The following WDR31 variants were observed in gnomAD, a reference collection of about 807,000 sequenced individuals.
WDR31 encodes WD repeat domain 31.
In WDR31, 30 loss-of-function variants were observed where a neutral mutation model predicts 47.3. That is an observed-to-expected ratio of 0.63 (90% CI 0.47 to 0.86). WDR31 has a LOEUF of 0.86. Ranked by LOEUF, WDR31 falls within the 40% of genes least tolerant of loss-of-function variation. WDR31 has a pLI of 0.00. For missense variants in WDR31, 406 were observed against 442.9 expected (o/e 0.92, Z 0.75); for synonymous variants, 137 against 159.4 (o/e 0.86, Z 1.06).
chr9:113,316,748 C>A lies in WDR31; in HGVS notation c.*1G>T. Reference sequence around the variant, plus strand: ...TATTGTCCAGTGAGTGTCTCTTGGCCTCAGAATGCTGCCACTTCCTGCAGT... The same window carrying A: ...TATTGTCCAGTGAGTGTCTCTTGGCATCAGAATGCTGCCACTTCCTGCAGT... On this transcript the variant is annotated 3_prime_UTR_variant, in exon 11 of 11. Coordinates refer to ENST00000374193, the MANE Select transcript of WDR31 (RefSeq NM_001012361.4). 1.2e-6 allele frequency: 2 copies of A among 1,613,178 alleles called. No homozygotes were observed. The highest frequency in any genetic ancestry group is 2.2e-5 in the South Asian group (2 of 90,910).
chr9:113,324,048 G>A (rs1391339719), intron 5 of WDR31, among the ~76,000 whole-genome samples: 1 of 151,766 alleles, frequency 6.6e-6, no homozygotes, highest in East Asian at 1.9e-4. Flanking sequence ...TGGAATTGTG[G>A]TAAATATACA....
chr9:113,317,807 C>T (rs532551006), intron 10 of WDR31, among the ~76,000 whole-genome samples: 12 of 152,216 alleles, frequency 7.9e-5, no homozygotes, highest in Non-Finnish European at 1.5e-4. Context: ...GGTAAACCAG[C>T]TTTCTGGAAG....
intron 2 of WDR31, among the ~76,000 whole-genome samples, chr9:113,335,489 C>T (rs990224528): frequency 2.0e-5 from 3 of 152,150 alleles, no homozygotes; most frequent in African/African-American, 4.8e-5. Context: ...ATGGGCATGA[C>T]CAACCTAATT....
At chr9:113,318,779 G>A (rs1833266194) in intron 9 of WDR31, 142 bp from the exon 10 acceptor site, 4 of 817,622 alleles carry the variant, frequency 4.9e-6, no homozygotes, top group Non-Finnish European at 7.7e-6. Context: ...TCCATCCACA[G>A]ACCCAACAAC....
chr9:113,320,513 G>A lies in WDR31; in HGVS notation c.639-15C>T. 2 of 1,611,048 alleles carry A rather than the reference G, an allele frequency of 1.2e-6. No individual in the cohort carries two copies. Among genetic ancestry groups the A allele is most frequent in the Non-Finnish European group, 1.7e-6 (2 of 1,178,354 alleles). On this transcript the variant is annotated splice_polypyrimidine_tract_variant and intron_variant, in intron 8 of 10. Coordinates refer to ENST00000374193, the MANE Select transcript of WDR31 (RefSeq NM_001012361.4). ...TGTCCCATAATCTGAAAGAGATTAG[G>A]GCAGGAAATTAGCTTGTAGTAAATG...
intron 4 of WDR31, 114 bp downstream of exon 4, chr9:113,330,870 A>C: frequency 1.6e-6 from 2 of 1,220,300 alleles, no homozygotes; most frequent in Non-Finnish European, 2.2e-6. Flanking sequence ...TCTAAAGCCA[A>C]TATTTTTACA....
intron 5 of WDR31, among the ~76,000 whole-genome samples, chr9:113,324,402 T>C (rs1414876461): frequency 6.6e-6 from 1 of 151,348 alleles, no homozygotes; most frequent in African/African-American, 2.4e-5. Flanking sequence ...TTTTTTTTTT[T>C]TTTTTGAGAC....
intron 1 of WDR31, among the ~76,000 whole-genome samples, chr9:113,338,144 T>C (rs1019314160): frequency 2.0e-5 from 3 of 147,570 alleles, no homozygotes; most frequent in African/African-American, 7.5e-5. Context: ...AGATTAACAG[T>C]GATCATACTG....
At chr9:113,331,735 G>A (rs1173213447) in intron 3 of WDR31, among the ~76,000 whole-genome samples, 172 bp downstream of exon 3, 1 of 152,208 alleles carries the variant, frequency 6.6e-6, no homozygotes, top group East Asian at 1.9e-4. Flanking sequence ...GTGTGAGACA[G>A]CACACCCAGC....
intron 2 of WDR31, among the ~76,000 whole-genome samples, chr9:113,335,955 C>T (rs111693881): frequency 7.2e-5 from 11 of 152,182 alleles, no homozygotes; most frequent in Non-Finnish European, 1.5e-4. Context: ...ATCTAAGGTC[C>T]CTTCCACTTC....
At position 113,316,915 on chromosome 9, in the gene WDR31, G is replaced by A; in HGVS notation, c.944-6C>T. The stretch of plus-strand genomic sequence containing the variant: ...AGACAAGGTGAAAAGGCAGGCTGGG[G>A]GGGAAAGGGGGACCAGCAGATTAGG... On this transcript the variant is annotated splice_polypyrimidine_tract_variant and splice_region_variant and intron_variant, in intron 10 of 10. Transcript: ENST00000374193. The A allele has an allele frequency of 6.2e-7, 1 of 1,612,902 alleles. No homozygotes were observed. Among genetic ancestry groups the A allele is most frequent in the Admixed American group, 1.7e-5 (1 of 59,754 alleles).
In WDR31 at chr9:113,316,572, G is replaced by A; in HGVS notation, c.*177C>T. On this transcript the variant is annotated 3_prime_UTR_variant, in exon 11 of 11. Transcript: ENST00000374193. The stretch of plus-strand genomic sequence containing the variant: ...GTCCATGTTTCTGGACTCTATACCT[G>A]ATTTTGAATCACTGGACTTAAATTA... The A allele has an allele frequency of 1.4e-6, 1 of 731,318 alleles. No homozygotes were observed. Among genetic ancestry groups the A allele is most frequent in the Non-Finnish European group, 2.1e-6 (1 of 466,678 alleles). The allele number at this position is 731,318 out of a possible 1,614,324, so 45.3% of individuals were successfully genotyped here.
At chr9:113,333,585 G>T (rs934865512) in intron 2 of WDR31, among the ~76,000 whole-genome samples, 1 of 150,812 alleles carries the variant, frequency 6.6e-6, no homozygotes, top group Non-Finnish European at 1.5e-5. Context: ...GTTTCACCTT[G>T]TTAGCCAGGA....
chr9:113,337,085 C>A (rs1380416121), intron 1 of WDR31, among the ~76,000 whole-genome samples: 1 of 152,184 alleles, frequency 6.6e-6, no homozygotes, highest in African/African-American at 2.4e-5. Flanking sequence ...GAATTAAGGG[C>A]AGCACAGAAT....
rs540792184 is a variant in WDR31 at position 113,336,399 on chromosome 9, A to C, written c.-140T>G. Reference sequence around the variant, plus strand: ...TTCTTAATCTCTGTAATTAGTGGGAAGCCACTGAAGTTAATCTCTTCTCTG... The same window carrying C: ...TTCTTAATCTCTGTAATTAGTGGGACGCCACTGAAGTTAATCTCTTCTCTG... On this transcript the variant is annotated 5_prime_UTR_variant, in exon 2 of 11. Coordinates refer to ENST00000374193, the MANE Select transcript of WDR31 (RefSeq NM_001012361.4). 6.6e-6 allele frequency: 1 copy of C among 152,366 alleles called. No individual in the cohort carries two copies. The highest frequency in any genetic ancestry group is 1.9e-4 in the East Asian group (1 of 5,186). 9.4% of individuals were successfully genotyped at this position (152,366 alleles called of 1,614,324 possible).
At chr9:113,330,885 T>C (rs553012343) in intron 4 of WDR31, 99 bp downstream of exon 4, 3 of 1,367,766 alleles carry the variant, frequency 2.2e-6, no homozygotes, top group Middle Eastern at 1.9e-4. Flanking sequence ...TTTACACTTG[T>C]CAACCCTGCT....
rs1833214156 is a variant in WDR31 at position 113,316,798 on chromosome 9, C to A, written c.1055G>T (p.Arg352Ile). ...ASFNRGIHLL[R>I]MDHSQGLELQ... ...TTCCAGCCCTTGGCTGTGGTCCATT[C>A]TGAGTAAGTGAATTCCTCTGTTAAA... Residue 352 changes from arginine (R) to isoleucine (I), a missense_variant, in exon 11 of 11, where the codon AGA becomes ATA. Coordinates refer to ENST00000374193, the MANE Select transcript of WDR31 (RefSeq NM_001012361.4). 6.2e-7 allele frequency: 1 copy of A among 1,614,072 alleles called. No homozygotes were observed. Among genetic ancestry groups the A allele is most frequent in the South Asian group, 1.1e-5 (1 of 91,088 alleles).
At chr9:113,328,833 C>G (rs12348236) in intron 5 of WDR31, 48 bp downstream of exon 5, 1 of 1,442,388 alleles carries the variant, frequency 6.9e-7, no homozygotes, top group South Asian at 1.1e-5. Context: ...TATTAGCTAT[C>G]CTTTATTCAG....
chr9:113,334,321 C>G (rs908889289), intron 2 of WDR31, among the ~76,000 whole-genome samples: 2 of 152,152 alleles, frequency 1.3e-5, no homozygotes, highest in African/African-American at 4.8e-5. Context: ...AAGCAGATAT[C>G]AGAGTCCAAT....
Sources: allele counts gnomAD v4.1 joint callset (sites outside exome capture counted in the v4.1 genomes callset), GRCh38; gene constraint gnomAD v4.1.1; transcripts MANE v1.5; gene names NCBI Gene and HGNC (gene_info 2026-07-23, HGNC 2026-07-21).